AKT3: variants seen among roughly 807,000 people sequenced by gnomAD.
AKT3 encodes RAC-gamma serine/threonine-protein kinase.
AKT3 carries 15 observed loss-of-function variants against 65.3 expected under a neutral mutation model. The ratio of observed to expected loss-of-function variants is 0.23; its 90% CI spans 0.15 to 0.35. The LOEUF (loss-of-function observed/expected upper bound fraction) is 0.35. AKT3 is among the 10% of genes least tolerant of loss of function. The pLI, the probability that AKT3 is intolerant of heterozygous loss-of-function variation, is 1.00. For synonymous variants in AKT3, 206 were observed against 183.8 expected (o/e 1.12, Z -0.98); for missense variants, 243 against 576.5 (o/e 0.42, Z 5.92).
In AKT3 at chr1:243,501,214, C is replaced by A. The variant is rs979374963; in HGVS notation, c.*4035G>T. Reference sequence around the variant, plus strand: ...TTTATGAGGTAAAATCAGAAAAAGGCCCCATCCAGAATGATTCAACGTGAA... The same window carrying A: ...TTTATGAGGTAAAATCAGAAAAAGGACCCATCCAGAATGATTCAACGTGAA... On this transcript the variant is annotated 3_prime_UTR_variant, in exon 14 of 14. Coordinates refer to ENST00000673466, the MANE Select transcript of AKT3 (RefSeq NM_005465.7). 2 of 232,378 alleles carry A rather than the reference C, an allele frequency of 8.6e-6. No homozygotes were observed. The highest frequency in any genetic ancestry group is 8.5e-6 in the Non-Finnish European group (1 of 117,518). 14.4% of individuals were successfully genotyped at this position (232,378 alleles called of 1,614,324 possible).
chr1:243,846,015 A>G (rs545636288), intron 1 of AKT3, among the ~76,000 whole-genome samples: 2 of 152,340 alleles, frequency 1.3e-5, no homozygotes, highest in East Asian at 1.9e-4. Flanking sequence ...TCCAGAGCTA[A>G]TATTTATGAT....
chr1:243,598,591 T>C (rs1048972526), intron 8 of AKT3, among the ~76,000 whole-genome samples: 2 of 152,182 alleles, frequency 1.3e-5, no homozygotes, highest in Non-Finnish European at 2.9e-5. Flanking sequence ...AGTGAACAGG[T>C]ATTCAGCCCA....
intron 2 of AKT3, among the ~76,000 whole-genome samples, chr1:243,820,187 G>C (rs1171865142): frequency 6.6e-6 from 1 of 152,164 alleles, no homozygotes; most frequent in Non-Finnish European, 1.5e-5. Context: ...CCAAAGTGCT[G>C]GGATTACAGG....
At chr1:243,833,302 G>A (rs1287548077) in intron 2 of AKT3, among the ~76,000 whole-genome samples, 1 of 152,046 alleles carries the variant, frequency 6.6e-6, no homozygotes, top group African/African-American at 2.4e-5. Context: ...AATTAACAAA[G>A]GAAAGAAGTT....
chr1:243,593,259 A>ATTT (rs1333882833), intron 8 of AKT3, among the ~76,000 whole-genome samples: 1 of 152,260 alleles, frequency 6.6e-6, no homozygotes, highest in African/African-American at 2.4e-5. Flanking sequence ...AAAATCATAG[A>ATTT]TGTAAAAACT....
At chr1:243,719,420 C>T (rs1235915294) in intron 2 of AKT3, among the ~76,000 whole-genome samples, 1 of 152,140 alleles carries the variant, frequency 6.6e-6, no homozygotes, top group African/African-American at 2.4e-5. Flanking sequence ...GGAGTCACAC[C>T]CCAATTTCTC....
At chr1:243,847,105 G>A (rs1695553244) in intron 1 of AKT3, among the ~76,000 whole-genome samples, 1 of 152,116 alleles carries the variant, frequency 6.6e-6, no homozygotes, top group Admixed American at 6.5e-5. Flanking sequence ...TTAAAATACT[G>A]ATGCACATGC....
intron 5 of AKT3, among the ~76,000 whole-genome samples, chr1:243,645,327 A>C (rs1407303956): frequency 6.6e-6 from 1 of 152,174 alleles, no homozygotes; most frequent in African/African-American, 2.4e-5. Flanking sequence ...GCAATGAAAA[A>C]ATTTATATTG....
chr1:243,727,735 G>C (rs1687299999), intron 2 of AKT3, among the ~76,000 whole-genome samples: 1 of 151,760 alleles, frequency 6.6e-6, no homozygotes, highest in Admixed American at 6.6e-5. Context: ...TGCAGAAAAG[G>C]AACCTCCATC....
chr1:243,707,983 T>C (rs1228677983), intron 2 of AKT3, among the ~76,000 whole-genome samples: 1 of 152,100 alleles, frequency 6.6e-6, no homozygotes, highest in Non-Finnish European at 1.5e-5. Flanking sequence ...TATGCTTCCA[T>C]TTTAATGAAT....
intron 8 of AKT3, among the ~76,000 whole-genome samples, chr1:243,595,749 G>A (rs1255998569): frequency 1.3e-5 from 2 of 152,082 alleles, no homozygotes; most frequent in East Asian, 1.9e-4. Flanking sequence ...AGCAGGCATC[G>A]AGTAGTCATC....
intron 5 of AKT3, 115 bp from the exon 6 acceptor site, chr1:243,637,857 C>T (rs2147812934): frequency 1.6e-6 from 1 of 625,800 alleles, no homozygotes; most frequent in Admixed American, 3.7e-5. Flanking sequence ...AATTTATAAG[C>T]ACATTTAAAT....
intron 2 of AKT3, among the ~76,000 whole-genome samples, chr1:243,785,264 GACACGGGGT>G (rs1002642793): frequency 4.8e-5 from 7 of 146,360 alleles, no homozygotes; most frequent in Non-Finnish European, 1.0e-4. Context: ...ATTTTTAGTA[GACACGGGGT>G]TTCACCGTGT....
At chr1:243,747,269 T>C (rs1688530950) in intron 2 of AKT3, among the ~76,000 whole-genome samples, 1 of 152,158 alleles carries the variant, frequency 6.6e-6, no homozygotes, top group South Asian at 2.1e-4. Flanking sequence ...AAATGAACAC[T>C]TTTTCCAAGA....
At chr1:243,844,620 A>C (rs1462654848) in intron 1 of AKT3, among the ~76,000 whole-genome samples, 2 of 152,172 alleles carry the variant, frequency 1.3e-5, no homozygotes, top group East Asian at 3.9e-4. Flanking sequence ...GACTACAGGC[A>C]GGCATCACCA....
At chr1:243,619,199 G>A (rs1678560370) in intron 6 of AKT3, among the ~76,000 whole-genome samples, 1 of 152,036 alleles carries the variant, frequency 6.6e-6, no homozygotes, top group African/African-American at 2.4e-5. Flanking sequence ...ACGGGAAGAG[G>A]GTAGAGAAAT....
At chr1:243,493,531 C>T (rs553130545) in intron 13 of AKT3, among the ~76,000 whole-genome samples, 15 of 152,062 alleles carry the variant, frequency 9.9e-5, no homozygotes, top group African/African-American at 3.4e-4. Context: ...TTCTGGTAGC[C>T]GTCGTATCCT....
At chr1:243,796,834 A>G (rs973558150) in intron 2 of AKT3, among the ~76,000 whole-genome samples, 1 of 152,200 alleles carries the variant, frequency 6.6e-6, no homozygotes, top group African/African-American at 2.4e-5. Context: ...GTGCCACAGC[A>G]TGGATGAACC....
chr1:243,493,961 G>A (rs1305592710), intron 13 of AKT3, among the ~76,000 whole-genome samples: 6 of 151,980 alleles, frequency 3.9e-5, no homozygotes, highest in African/African-American at 1.4e-4. Context: ...TGGCTGCAAG[G>A]CGGAGCTGCT....
Sources: allele counts gnomAD v4.1 joint callset (sites outside exome capture counted in the v4.1 genomes callset), GRCh38; gene constraint gnomAD v4.1.1; transcripts MANE v1.5; gene names NCBI Gene and HGNC (gene_info 2026-07-23, HGNC 2026-07-21).